CEP135: variants seen among roughly 807,000 people sequenced by gnomAD.
CEP135 encodes the protein centrosomal protein 135.
CEP135 carries 142 observed loss-of-function variants against 157.3 expected under a neutral mutation model. The ratio of observed to expected loss-of-function variants is 0.90; its 90% CI spans 0.79 to 1.04. The LOEUF is 1.04. CEP135 is among the 50% of genes least tolerant of loss of function. The probability of loss-of-function intolerance (pLI) is 0.00; values close to 1 mark genes in which losing one functional copy is unlikely to be tolerated. For missense variants in CEP135, 1,317 were observed against 1,309.2 expected, an observed-to-expected ratio of 1.01 and a Z score of -0.09; for synonymous variants, 396 against 439.8, an observed-to-expected ratio of 0.90 and a Z score of 1.25.
At chr4:55,972,158 A>G (rs1406287590) in intron 10 of CEP135, among the ~76,000 whole-genome samples, 1 of 152,192 alleles carries the variant, frequency 6.6e-6, no homozygotes, top group Non-Finnish European at 1.5e-5. Flanking sequence ...TCCAAAAAAA[A>G]AAAGAATTTA....
At chr4:56,028,764 T>C (rs1281581061) in intron 25 of CEP135, among the ~76,000 whole-genome samples, 2 of 152,208 alleles carry the variant, frequency 1.3e-5, no homozygotes, top group Non-Finnish European at 2.9e-5. Context: ...TAAAAGTGTT[T>C]TTCCGATTCT....
rs566182353 is a variant in CEP135 at position 56,027,349 on chromosome 4, A to G, written c.*11+2735A>G. 2.0e-5 allele frequency among the ~76,000 whole-genome samples: 3 copies of G among 152,352 alleles called. No individual in the cohort carries two copies. The East Asian group carries it at 5.8e-4, about 29-fold the overall frequency. On this transcript the variant is annotated intron_variant, in intron 25 of 25. Transcript: ENST00000257287. ...TGTAAATTAAGCTTTATTGGAGCAC[A>G]GCCACACCCATTTGTTAACAGATTG...
chr4:55,964,455 A>G, intron 7 of CEP135, 53 bp downstream of exon 7: 1 of 1,432,866 alleles, frequency 7.0e-7, no homozygotes, highest in Non-Finnish European at 9.6e-7. Flanking sequence ...GTTTATAATA[A>G]ACACTATATG....
intron 19 of CEP135, 95 bp from the exon 20 acceptor site, chr4:56,011,317 C>A: frequency 1.2e-6 from 1 of 845,240 alleles, no homozygotes; most frequent in Non-Finnish European, 1.9e-6. Flanking sequence ...CCTACTCTAT[C>A]TTATTCTCCA....
chr4:56,013,664 G>A (rs1026940400), intron 21 of CEP135, among the ~76,000 whole-genome samples: 3 of 152,114 alleles, frequency 2.0e-5, no homozygotes, highest in Non-Finnish European at 4.4e-5. Context: ...AAAATATAGG[G>A]ACCCTGGGTT....
chr4:56,003,910 G>A (rs759182194), intron 17 of CEP135, among the ~76,000 whole-genome samples: 2 of 151,634 alleles, frequency 1.3e-5, no homozygotes, highest in Non-Finnish European at 2.9e-5. Flanking sequence ...TTGTAGAGAC[G>A]GTGTCTTACC....
intron 14 of CEP135, among the ~76,000 whole-genome samples, 199 bp downstream of exon 14, chr4:55,985,557 C>A (rs892093535): frequency 6.6e-6 from 1 of 152,062 alleles, no homozygotes; most frequent in Admixed American, 6.6e-5. Context: ...CAGCTTCAAG[C>A]GATTCTCCTG....
chr4:55,977,993 T>A (rs946470865), intron 11 of CEP135, among the ~76,000 whole-genome samples: 9 of 152,228 alleles, frequency 5.9e-5, no homozygotes, highest in Non-Finnish European at 8.8e-5. Flanking sequence ...GTTCCTGCCC[T>A]TACAGCCTTC....
In CEP135 at chr4:56,011,493, T is replaced by C. The variant is rs776913669; in HGVS notation, c.2587T>C (p.Ser863Pro). The C allele has an allele frequency of 3.1e-6, 5 of 1,610,322 alleles. No homozygotes were observed. The highest frequency in any genetic ancestry group is 4.2e-6 in the Non-Finnish European group (5 of 1,178,934). ...AGTTCATAAATACATAACAGAGGTG[T>C]CACGATGGGAGAGCTTAATGGCTGC... ...SRVHKYITEV[S>P]RWESLMAAKE... The change falls in exon 20 of 26, where the codon TCA becomes CCA. Residue 863 changes from serine (S) to proline (P), a missense_variant. Transcript: ENST00000257287.
In CEP135 at chr4:55,985,322, G is replaced by GA; in HGVS notation, c.1825dup (p.Thr609AsnfsTer3). Reference sequence around the variant, plus strand: ...GTCTTTTTGGAAAATCAGAATTAGAGAAAACTATTGAACATTTGACATGTG... The same window carrying GA: ...GTCTTTTTGGAAAATCAGAATTAGAGAAAAACTATTGAACATTTGACATGTG... On this transcript the variant is annotated frameshift_variant, in exon 14 of 26. Transcript: ENST00000257287. LOFTEE classifies it high-confidence loss of function. The GA allele has an allele frequency of 6.3e-7, 1 of 1,595,180 alleles. No individual in the cohort carries two copies. The highest frequency in any genetic ancestry group is 1.1e-5 in the South Asian group (1 of 90,186).
intron 9 of CEP135, 69 bp downstream of exon 9, chr4:55,969,197 T>C: frequency 7.8e-7 from 1 of 1,275,714 alleles, no homozygotes; most frequent in African/African-American, 1.5e-5. Flanking sequence ...CTGAGGTGGG[T>C]TTATCACCTG....
chr4:55,972,065 G>A (rs567873797), intron 10 of CEP135, among the ~76,000 whole-genome samples: 5 of 152,146 alleles, frequency 3.3e-5, no homozygotes, highest in Admixed American at 6.5e-5. Flanking sequence ...CAAGAGAATC[G>A]TTTTAACTTG....
rs184721963 is a variant in CEP135 at position 56,030,672 on chromosome 4, C to T, written c.*12-688C>T. ...GTCTCACTATGTTGTCCAGACTGGT[C>T]CTGAACTCCTGGGTTCAAGCGATCC... On this transcript the variant is annotated intron_variant, in intron 25 of 25. Coordinates refer to ENST00000257287, the MANE Select transcript of CEP135 (RefSeq NM_025009.5). 2.1e-3 allele frequency among the ~76,000 whole-genome samples: 326 copies of T among 152,162 alleles called. 2 individuals carry two copies. The highest frequency in any genetic ancestry group is 7.4e-3 in the African/African-American group (309 of 41,506).
rs1728788912 is a variant in CEP135 at position 55,964,688 on chromosome 4, A to G, written c.828+286A>G. 3.9e-5 allele frequency among the ~76,000 whole-genome samples: 6 copies of G among 152,154 alleles called. No homozygotes were observed. The South Asian group carries it at 1.0e-3, about 26-fold the overall frequency. ...GGCACATGATTGCCAATTTGCTTTT[A>G]AGAAAATGTATATATGGACTTGGAA... On this transcript the variant is annotated intron_variant, in intron 7 of 25. Coordinates refer to ENST00000257287, the MANE Select transcript of CEP135 (RefSeq NM_025009.5).
intron 10 of CEP135, among the ~76,000 whole-genome samples, chr4:55,972,469 C>T (rs1393158350): frequency 6.6e-6 from 1 of 152,138 alleles, no homozygotes; most frequent in African/African-American, 2.4e-5. Context: ...GAGGAAATGG[C>T]ACGTGCAGAA....
intron 17 of CEP135, among the ~76,000 whole-genome samples, chr4:56,005,801 CTTTTG>C (rs1178033493): frequency 6.6e-6 from 1 of 152,096 alleles, no homozygotes; most frequent in African/African-American, 2.4e-5. Context: ...ATTCTCTTAG[CTTTTG>C]TTTATCTGGG....
At chr4:55,986,180 G>T (rs1004861645) in intron 14 of CEP135, among the ~76,000 whole-genome samples, 1 of 152,184 alleles carries the variant, frequency 6.6e-6, no homozygotes, top group African/African-American at 2.4e-5. Context: ...TTAGAAGCGT[G>T]CCTGGCATAT....
chr4:55,980,392 C>T, intron 12 of CEP135, 97 bp downstream of exon 12: 1 of 679,532 alleles, frequency 1.5e-6, no homozygotes, highest in South Asian at 3.1e-5. Flanking sequence ...AATATATGGA[C>T]CTGTGATATT....
chr4:56,021,232 C>T (rs1730963969), intron 24 of CEP135, among the ~76,000 whole-genome samples: 1 of 152,064 alleles, frequency 6.6e-6, no homozygotes, highest in African/African-American at 2.4e-5. Context: ...ATAGTAACAG[C>T]AGTTAACAAA....
Sources: allele counts gnomAD v4.1 joint callset (sites outside exome capture counted in the v4.1 genomes callset), GRCh38; gene constraint gnomAD v4.1.1; transcripts MANE v1.5; gene names NCBI Gene and HGNC (gene_info 2026-07-23, HGNC 2026-07-21).